TTC12: variants seen among roughly 807,000 people sequenced by gnomAD.
TTC12 encodes the protein tetratricopeptide repeat protein 12.
Under a neutral mutation model 90.1 loss-of-function variants are expected in TTC12, and 70 were observed. The ratio of observed to expected loss-of-function variants is 0.78; its 90% CI spans 0.64 to 0.95. The LOEUF (loss-of-function observed/expected upper bound fraction) is 0.95, where lower values mean the gene tolerates loss of function less well. Among genes scored for constraint, TTC12 ranks in the 40% least tolerant of loss-of-function variants. TTC12 has a pLI of 0.00. For missense variants in TTC12, 819 were observed against 846.1 expected (o/e 0.97, Z 0.40); for synonymous variants, 296 against 311.5 (o/e 0.95, Z 0.53).
At chr11:113,362,362 G>T in intron 18 of TTC12, 39 bp from the exon 19 acceptor site, 1 of 1,493,606 alleles carries the variant, frequency 6.7e-7, no homozygotes, top group South Asian at 1.2e-5. Context: ...CAGCATTTCT[G>T]AAAAGGACAT....
At chr11:113,361,944 G>A (rs1949954201) in intron 18 of TTC12, among the ~76,000 whole-genome samples, 1 of 141,254 alleles carries the variant, frequency 7.1e-6, no homozygotes, top group Admixed American at 7.0e-5. Flanking sequence ...GTAACAGCTT[G>A]GCATTTATTT....
At chr11:113,367,711 A>G (rs978829841), downstream of TTC12, among the ~76,000 whole-genome samples, 10 of 87,798 alleles carry the variant, frequency 1.1e-4, no homozygotes, top group African/African-American at 3.7e-4. Flanking sequence ...AATAATTGGC[A>G]TTTGGTGACG....
At chr11:113,361,837 C>A (rs1313516704) in intron 18 of TTC12, among the ~76,000 whole-genome samples, 2 of 150,226 alleles carry the variant, frequency 1.3e-5, no homozygotes, top group East Asian at 2.0e-4. Context: ...AAAAATTGAT[C>A]CAAAAGAAAT....
At chr11:113,342,498 T>G (rs1948735870) in intron 12 of TTC12, among the ~76,000 whole-genome samples, 1 of 152,184 alleles carries the variant, frequency 6.6e-6, no homozygotes, top group African/African-American at 2.4e-5. Context: ...CTTCTGTCAT[T>G]TTTAAAAAGT....
chr11:113,323,885 G>C (rs1433011541), intron 3 of TTC12, 109 bp from the exon 4 acceptor site: 2 of 844,488 alleles, frequency 2.4e-6, no homozygotes, highest in Non-Finnish European at 3.7e-6. Context: ...ATGGTTAAAA[G>C]AAATGACCTC....
intron 2 of TTC12, among the ~76,000 whole-genome samples, chr11:113,318,510 C>T (rs1365041334): frequency 1.3e-5 from 2 of 152,164 alleles, no homozygotes; most frequent in Non-Finnish European, 2.9e-5. Flanking sequence ...TACAAGGACA[C>T]TAGTCATATT....
In TTC12 at chr11:113,343,218, TGAG is replaced by T. The variant is rs148180891; in HGVS notation, c.986-1052_986-1050del. 3.2e-3 allele frequency among the ~76,000 whole-genome samples: 487 copies of T among 152,310 alleles called. 3 individuals are homozygous for T. The highest frequency in any genetic ancestry group is 0.011 in the African/African-American group (462 of 41,580). ...TATAATATTTTACACATTATTTATATGAGGGGTGAATAATAGCTCCTTTGGGGA... is the reference window on the plus strand; with the variant it reads ...TATAATATTTTACACATTATTTATATGGGTGAATAATAGCTCCTTTGGGGA... On this transcript the variant is annotated intron_variant, in intron 12 of 21. Coordinates refer to ENST00000529221, the MANE Select transcript of TTC12 (RefSeq NM_017868.4).
downstream of TTC12, chr11:113,368,766 G>T: frequency 2.0e-6 from 1 of 504,176 alleles, no homozygotes; most frequent in Non-Finnish European, 3.5e-6. Context: ...AGAGCTTCTT[G>T]GCTTGGAGAA....
At chr11:113,338,435 C>G (rs1376678971) in intron 8 of TTC12, among the ~76,000 whole-genome samples, 1 of 152,212 alleles carries the variant, frequency 6.6e-6, no homozygotes, top group Non-Finnish European at 1.5e-5. Context: ...AGCCTCCTTT[C>G]TCAGTGCAAA....
chr11:113,318,935 A>G (rs908907931), intron 2 of TTC12, among the ~76,000 whole-genome samples: 10 of 152,184 alleles, frequency 6.6e-5, no homozygotes, highest in Admixed American at 6.5e-4. Flanking sequence ...CAGTAAATCA[A>G]TTCCATCTAA....
intron 10 of TTC12, 147 bp from the exon 11 acceptor site, chr11:113,340,517 G>A: frequency 1.6e-6 from 1 of 638,104 alleles, no homozygotes; most frequent in Admixed American, 2.4e-5. Flanking sequence ...GTTTCAAAAT[G>A]TAAAGTTCAT....
intron 21 of TTC12, 34 bp from the exon 22 acceptor site, chr11:113,366,191 T>A (rs778686379): frequency 6.2e-7 from 1 of 1,609,546 alleles, no homozygotes; most frequent in Non-Finnish European, 8.5e-7. Context: ...ACCGTGGCAC[T>A]TATGCCCTGG....
chr11:113,335,331 A>G (rs549649824), intron 8 of TTC12, among the ~76,000 whole-genome samples: 1 of 152,308 alleles, frequency 6.6e-6, no homozygotes, highest in East Asian at 1.9e-4. Flanking sequence ...CTCATCACCC[A>G]AAAGTAACCA....
chr11:113,339,349 T>A lies in TTC12; in HGVS notation c.701T>A (p.Leu234Gln). ...ADLQEKEAHE[L>Q]LDSGKNTAVT... ...CTTCAAGAAAAGGAAGCCCACGAAC[T>A]GCTGGATTCAGGAAAGAACACAGCC... is the stretch of plus-strand genomic sequence containing the variant. Residue 234 changes from leucine to glutamine, a missense_variant, in exon 10 of 22, where the codon CTG (leucine) becomes CAG (glutamine). By Grantham distance (113) the Leu-to-Gln change is moderately radical (BLOSUM62 -2). Transcript: ENST00000529221. 1 of 1,613,996 alleles carries A rather than the reference T, an allele frequency of 6.2e-7. No homozygotes were observed. The highest frequency in any genetic ancestry group is 8.5e-7 in the Non-Finnish European group (1 of 1,179,986).
chr11:113,373,237 C>G, exon 22 of TTC12: 1 of 985,382 alleles, frequency 1.0e-6, no homozygotes, highest in South Asian at 4.7e-5. Flanking sequence ...CATCCTTTCC[C>G]TGAAGGCTTG....
At chr11:113,354,169 A>T (rs563281688) in intron 16 of TTC12, among the ~76,000 whole-genome samples, 8 of 151,532 alleles carry the variant, frequency 5.3e-5, no homozygotes, top group Non-Finnish European at 8.8e-5. Flanking sequence ...TCTTGTGGAG[A>T]TCTCTTTCAC....
chr11:113,318,104 G>T (rs1192201790), intron 2 of TTC12, among the ~76,000 whole-genome samples: 5 of 152,126 alleles, frequency 3.3e-5, no homozygotes, highest in Non-Finnish European at 7.3e-5. Context: ...TTACTTCTTG[G>T]GCTCTTGCTA....
At chr11:113,324,547 G>T in intron 4 of TTC12, 58 bp from the exon 5 acceptor site, 3 of 1,455,780 alleles carry the variant, frequency 2.1e-6, no homozygotes, top group Non-Finnish European at 2.9e-6. Context: ...TTGAGCTAAA[G>T]AACTGATTAT....
rs782216877 is a variant in TTC12 at position 113,324,666 on chromosome 11, C to T, written c.306C>T (p.Asn102=). 6.2e-7 allele frequency: 1 copy of T among 1,613,816 alleles called. No individual in the cohort carries two copies. Among genetic ancestry groups the T allele is most frequent in the Non-Finnish European group, 8.5e-7 (1 of 1,179,880 alleles). ...AKERAKRRRE[N]KVLADALKEK... is the part of the protein sequence containing the mutation. Reference sequence around the variant, plus strand: ...AACGAGCCAAGAGAAGAAGGGAAAACAAAGTCTTGGCGGATGGTAATTGTC... The same window carrying T: ...AACGAGCCAAGAGAAGAAGGGAAAATAAAGTCTTGGCGGATGGTAATTGTC... The change falls in exon 5 of 22, where the codon AAC becomes AAT. Residue 102 remains asparagine, a synonymous_variant. Coordinates refer to ENST00000529221, the MANE Select transcript of TTC12 (RefSeq NM_017868.4).
Sources: allele counts gnomAD v4.1 joint callset (sites outside exome capture counted in the v4.1 genomes callset), GRCh38; gene constraint gnomAD v4.1.1; transcripts MANE v1.5; gene names NCBI Gene and HGNC (gene_info 2026-07-23, HGNC 2026-07-21).